The following SORBS2 variants were observed in gnomAD, a reference collection of about 807,000 sequenced individuals.
SORBS2 encodes the protein sorbin and SH3 domain containing 2.
In SORBS2, 46 loss-of-function variants were observed where a neutral mutation model predicts 97.7. The observed-to-expected ratio is 0.47, with a 90% CI of 0.37 to 0.60. SORBS2 has a LOEUF of 0.60. Ranked by LOEUF, SORBS2 falls within the 20% of genes least tolerant of loss-of-function variation. The pLI is 0.00. For missense variants in SORBS2, 1,316 were observed against 1,282.3 expected, an observed-to-expected ratio of 1.03 and a Z score of -0.40; for synonymous variants, 476 against 473.4, an observed-to-expected ratio of 1.01 and a Z score of -0.07.
At position 185,771,717 on chromosome 4, in the gene SORBS2, C is replaced by T. The variant is rs1459543925; in HGVS notation, c.-198+3510G>A. 2.0e-5 allele frequency: 3 copies of T among 152,160 alleles called. No homozygotes were observed. In the East Asian group the frequency reaches 5.8e-4, roughly 29 times the overall value. 9.4% of individuals were successfully genotyped at this position (152,160 alleles called of 1,614,324 possible). ...ATGGCAATTTAATTTTATAATAAAT[C>T]TATATCTATGTATCTCACCAAAGAT... On this transcript the variant is annotated intron_variant, in intron 2 of 20. Transcript: ENST00000284776.
intron 1 of SORBS2, among the ~76,000 whole-genome samples, chr4:185,904,879 TG>T (rs2099249814): frequency 6.6e-6 from 1 of 151,892 alleles, no homozygotes. Flanking sequence ...CTGAGGCAGG[TG>T]GATCACCTGA....
intron 1 of SORBS2, among the ~76,000 whole-genome samples, chr4:185,826,368 A>G (rs766802899): frequency 1.3e-5 from 2 of 152,196 alleles, no homozygotes. Context: ...ACCCTGGTCT[A>G]CGATCACCAC....
chr4:185,925,501 C>A (rs1265542325), intron 1 of SORBS2, among the ~76,000 whole-genome samples: 1 of 151,998 alleles, frequency 6.6e-6, no homozygotes, highest in Admixed American at 6.5e-5. Context: ...CCAGAGAGAA[C>A]CATTATAACT....
At chr4:185,708,721 G>A (rs961597697) in intron 2 of SORBS2, among the ~76,000 whole-genome samples, 1 of 152,106 alleles carries the variant, frequency 6.6e-6, no homozygotes, top group Non-Finnish European at 1.5e-5. Context: ...AATCAAAAAG[G>A]AAAGGGGGAA....
chr4:185,891,709 AG>A (rs879684261), intron 1 of SORBS2, among the ~76,000 whole-genome samples: 1 of 152,152 alleles, frequency 6.6e-6, no homozygotes, highest in Non-Finnish European at 1.5e-5. Context: ...GATTGATTTG[AG>A]CAATAACTCT....
intron 1 of SORBS2, among the ~76,000 whole-genome samples, chr4:185,949,588 C>T (rs1291108048): frequency 1.3e-5 from 2 of 151,918 alleles, no homozygotes; most frequent in Admixed American, 6.6e-5. Flanking sequence ...GGCCCTCTGA[C>T]ATGTTTTAAG....
chr4:185,834,437 A>G lies in SORBS2; in HGVS notation c.-337-59071T>C, dbSNP rs993053170. On this transcript the variant is annotated intron_variant, in intron 1 of 20. Transcript: ENST00000284776. ...GTATTGTTAGCATGTACACGTTTCTATCATGTGCTTAAGAGCAAAAAAAAA... is the reference window on the plus strand; with the variant it reads ...GTATTGTTAGCATGTACACGTTTCTGTCATGTGCTTAAGAGCAAAAAAAAA... Among the ~76,000 whole-genome samples the G allele has an allele frequency of 5.9e-5, 9 of 152,202 alleles. 1 individual carries two copies. Among genetic ancestry groups the G allele is most frequent in the Non-Finnish European group, 1.2e-4 (8 of 68,034 alleles).
At chr4:185,665,472 C>A (rs2097582217) in intron 4 of SORBS2, among the ~76,000 whole-genome samples, 1 of 152,122 alleles carries the variant, frequency 6.6e-6, no homozygotes, top group African/African-American at 2.4e-5. Flanking sequence ...GTAGAACTTA[C>A]CAGCTACAGT....
chr4:185,759,787 G>A (rs956065816), intron 2 of SORBS2, among the ~76,000 whole-genome samples: 39 of 152,130 alleles, frequency 2.6e-4, no homozygotes, highest in African/African-American at 9.2e-4. Flanking sequence ...CTGTAACAGG[G>A]TTCCTTAGTT....
chr4:185,750,613 A>C (rs1309074291), intron 2 of SORBS2, among the ~76,000 whole-genome samples: 2 of 152,220 alleles, frequency 1.3e-5, no homozygotes, highest in Non-Finnish European at 2.9e-5. Flanking sequence ...TGGCTAATAC[A>C]CTCCTTACAC....
At chr4:185,620,009 G>A in intron 8 of SORBS2, 54 bp downstream of exon 20, 1 of 1,085,556 alleles carries the variant, frequency 9.2e-7, no homozygotes, top group South Asian at 1.2e-5. Context: ...TGGCTGGTAA[G>A]TGCTGTATCA....
intron 1 of SORBS2, among the ~76,000 whole-genome samples, chr4:185,798,061 T>C (rs1162294261): frequency 6.6e-6 from 1 of 152,138 alleles, no homozygotes; most frequent in Non-Finnish European, 1.5e-5. Context: ...CCACTGAACA[T>C]ACGCAGCCTG....
rs938693940 is a variant in SORBS2 at position 185,893,090 on chromosome 4, G to T, written c.-338+63106C>A. ...AATTACTGGTCTTGAATTTTCTAAG[G>T]ATGCTAGCTGTGGAGGAGAAGGAAG... On this transcript the variant is annotated intron_variant, in intron 1 of 20. Transcript: ENST00000284776. Among the ~76,000 whole-genome samples the T allele has an allele frequency of 4.4e-4, 67 of 152,158 alleles. 1 individual carries two copies. The highest frequency in any genetic ancestry group is 1.0e-4 in the Non-Finnish European group (7 of 68,036).
rs144664352 is a variant in SORBS2, at chr4:185,623,343, G to C, written c.1786C>G (p.Pro596Ala). 6.2e-7 allele frequency: 1 copy of C among 1,613,772 alleles called. No individual in the cohort carries two copies. Among genetic ancestry groups the C allele is most frequent in the Admixed American group, 1.7e-5 (1 of 59,998 alleles). ...AGAAAAGCAAGTTTAGAAAGGCCAGGGTCCATTTCTTGCCTTCTGGGCTCC... is the reference window on the plus strand; with the variant it reads ...AGAAAAGCAAGTTTAGAAAGGCCAGCGTCCATTTCTTGCCTTCTGGGCTCC... Residue 596 changes from proline to alanine, a missense_variant, in exon 7 of 15, where the codon CCT (proline) becomes GCT (alanine). Transcript: ENST00000418609. The surrounding 1 kb of genome is among the most constrained non-coding windows in gnomAD (Gnocchi z 6.4).
intron 1 of SORBS2, among the ~76,000 whole-genome samples, chr4:185,826,546 A>C (rs187214730): frequency 1.1e-4 from 16 of 152,376 alleles, no homozygotes; most frequent in Non-Finnish European, 2.1e-4. Context: ...ATGCGAATGT[A>C]CTGCAAGACA....
rs576128747 is a variant in SORBS2, at chr4:185,678,333, T to C, written c.-46+90A>G. On this transcript the variant is annotated intron_variant, in intron 4 of 20. Transcript: ENST00000284776. ...AAAACATATTAAAAATAAAACGTATTGAAATACGCACATTAGGAAAGAGGC... is the reference window on the plus strand; with the variant it reads ...AAAACATATTAAAAATAAAACGTATCGAAATACGCACATTAGGAAAGAGGC... The C allele has an allele frequency of 1.9e-4, 200 of 1,077,948 alleles. No individual in the cohort carries two copies. The African/African-American group carries it at 2.9e-3, about 16-fold the overall frequency. The allele number at this position is 1,077,948 out of a possible 1,614,324, so 66.8% of individuals were successfully genotyped here. A position where few individuals can be genotyped will look rare whatever the true frequency, so the allele number is the denominator to read the frequency against.
intron 4 of SORBS2, chr4:185,666,215 G>A: frequency 8.0e-7 from 1 of 1,252,480 alleles, no homozygotes; most frequent in South Asian, 1.3e-5. Flanking sequence ...AGCTGAGTAT[G>A]AGGAAAAAAT....
chr4:185,768,698 C>CAAAAAAAAAAAAAA (rs1207578871), intron 2 of SORBS2, among the ~76,000 whole-genome samples: 3 of 84,746 alleles, frequency 3.5e-5, no homozygotes, highest in East Asian at 2.7e-4. Context: ...GACTCTGTCT[C>CAAAAAAAAAAAAAA]AAAAAAAAAA....
rs1337251948 is a variant in SORBS2, at chr4:185,886,003, A to G, written c.-338+70193T>C. Among the ~76,000 whole-genome samples, 5 of 152,204 alleles carry G rather than the reference A, an allele frequency of 3.3e-5. No homozygotes were observed. In the East Asian group the frequency reaches 9.6e-4, roughly 29 times the overall value. On this transcript the variant is annotated intron_variant, in intron 1 of 20. Coordinates refer to the SORBS2 transcript ENST00000284776. Reference sequence around the variant, plus strand: ...CCACAGCATTAGACATGTCTCTTGTAAGTTACTGCGCCCCTTAGTAAACCA... The same window carrying G: ...CCACAGCATTAGACATGTCTCTTGTGAGTTACTGCGCCCCTTAGTAAACCA...
Sources: allele counts gnomAD v4.1 joint callset (sites outside exome capture counted in the v4.1 genomes callset), GRCh38; gene constraint gnomAD v4.1.1; non-coding constraint Gnocchi (gnomAD v3.1); transcripts MANE v1.5; gene names NCBI Gene and HGNC (gene_info 2026-07-23, HGNC 2026-07-21).